Variants in STK10 observed in about 807,000 individuals in gnomAD.
STK10 encodes serine/threonine-protein kinase 10.
In STK10, 78 loss-of-function variants were observed where a neutral mutation model predicts 113.8. That is an observed-to-expected ratio of 0.69 (90% CI 0.57 to 0.83). The LOEUF (loss-of-function observed/expected upper bound fraction) is 0.83, where lower values mean the gene tolerates loss of function less well. Among genes scored for constraint, STK10 ranks in the 40% least tolerant of loss-of-function variants. STK10 has a pLI of 0.00. For synonymous variants in STK10, 465 were observed against 494.7 expected, an observed-to-expected ratio of 0.94 and a Z score of 0.80; for missense variants, 1,109 against 1,280.1, an observed-to-expected ratio of 0.87 and a Z score of 2.04.
chr5:172,091,795 G>A (rs1210273029), intron 9 of STK10, among the ~76,000 whole-genome samples: 1 of 152,196 alleles, frequency 6.6e-6, no homozygotes, highest in African/African-American at 2.4e-5. Flanking sequence ...GCCTCCCAAA[G>A]TGCTGGGATT....
At chr5:172,141,876 C>T (rs75470155) in intron 2 of STK10, among the ~76,000 whole-genome samples, 87 of 152,286 alleles carry the variant, frequency 5.7e-4, no homozygotes, top group African/African-American at 9.6e-4. Context: ...CAGTTTAGAT[C>T]GAGCAGCTGT....
chr5:172,071,187 C>T (rs1412674748), intron 12 of STK10, among the ~76,000 whole-genome samples: 3 of 114,022 alleles, frequency 2.6e-5, no homozygotes, highest in African/African-American at 3.4e-5. Context: ...CCAGCCTGGG[C>T]GACAGAGTGA....
intron 2 of STK10, among the ~76,000 whole-genome samples, chr5:172,141,238 T>C (rs1002760065): frequency 4.6e-5 from 7 of 152,148 alleles, no homozygotes; most frequent in East Asian, 1.9e-4. Context: ...CACGTTAAAA[T>C]GTGTTTAAAG....
chr5:172,057,601 G>T, intron 14 of STK10, 128 bp from the exon 15 acceptor site: 2 of 1,410,410 alleles, frequency 1.4e-6, no homozygotes, highest in Non-Finnish European at 1.9e-6. Context: ...CTCAGGAATT[G>T]CCACATGTTC....
At chr5:172,050,503 G>A (rs1328777703) in intron 18 of STK10, among the ~76,000 whole-genome samples, 1 of 152,082 alleles carries the variant, frequency 6.6e-6, no homozygotes, top group Non-Finnish European at 1.5e-5. Flanking sequence ...ATGAGCCTGG[G>A]CAACATAGCA....
intron 10 of STK10, among the ~76,000 whole-genome samples, chr5:172,085,165 AGC>A (rs1156562827): frequency 6.6e-6 from 1 of 151,988 alleles, no homozygotes; most frequent in Non-Finnish European, 1.5e-5. Context: ...AGATTGCTTG[AGC>A]CCAGGAGGTC....
intron 1 of STK10, among the ~76,000 whole-genome samples, chr5:172,179,514 C>T (rs780972674): frequency 3.9e-5 from 6 of 152,182 alleles, no homozygotes; most frequent in African/African-American, 7.2e-5. Flanking sequence ...CTGTTTGTTT[C>T]GATCCCTTCC....
chr5:172,163,275 G>A (rs2113824956), intron 1 of STK10, among the ~76,000 whole-genome samples: 1 of 152,314 alleles, frequency 6.6e-6, no homozygotes, highest in South Asian at 2.1e-4. Flanking sequence ...GAGGTGGGGT[G>A]ATGTGCCTCA....
At position 172,044,777 on chromosome 5, in the gene STK10, GCA is replaced by G. The variant is rs749442221; in HGVS notation, c.*103_*104del. The G allele has an allele frequency of 6.3e-7, 1 of 1,579,324 alleles. No individual in the cohort carries two copies. The highest frequency in any genetic ancestry group is 1.1e-5 in the South Asian group (1 of 89,970). On this transcript the variant is annotated 3_prime_UTR_variant, in exon 19 of 19. Coordinates refer to ENST00000176763, the MANE Select transcript of STK10 (RefSeq NM_005990.4). This position sits in a 1 kb window ranked among gnomAD's most constrained non-coding sequence, Gnocchi z 4.5. ...AGGGCGAGGGGCTGGATTTGAGCTG[GCA>G]CAGACGCAAGAGGGAAAAGGGGTCC...
chr5:172,137,436 C>T (rs1769885989), intron 2 of STK10, among the ~76,000 whole-genome samples: 2 of 151,906 alleles, frequency 1.3e-5, no homozygotes, highest in South Asian at 2.1e-4. Context: ...ACCACATTAA[C>T]ACGATGAAAG....
At position 172,045,401 on chromosome 5, in the gene STK10, GT is replaced by G. The variant is rs768113028; in HGVS notation, c.2767-380del. 1.2e-3 allele frequency: 493 copies of G among 414,270 alleles called. 1 individual carries two copies. The highest frequency in any genetic ancestry group is 7.0e-3 in the African/African-American group (339 of 48,714). The allele number at this position is 414,270 out of a possible 1,614,324, so 25.7% of individuals were successfully genotyped here. Reference sequence around the variant, plus strand: ...AGCAAAGGAAGCAGAGATGTCAGAAGTTTTTTTTTTCAAAATACACATGCCT... The same window carrying G: ...AGCAAAGGAAGCAGAGATGTCAGAAGTTTTTTTTTCAAAATACACATGCCT... On this transcript the variant is annotated intron_variant, in intron 18 of 18. Coordinates refer to ENST00000176763, the MANE Select transcript of STK10 (RefSeq NM_005990.4).
At chr5:172,125,673 C>T (rs1769604577) in intron 3 of STK10, among the ~76,000 whole-genome samples, 1 of 152,318 alleles carries the variant, frequency 6.6e-6, no homozygotes, top group East Asian at 1.9e-4. Flanking sequence ...GCGTGAGCCA[C>T]CACACCCAGC....
chr5:172,072,143 C>G (rs1768196772), intron 12 of STK10, among the ~76,000 whole-genome samples: 1 of 152,182 alleles, frequency 6.6e-6, no homozygotes, highest in South Asian at 2.1e-4. Context: ...AACAGACTAA[C>G]AGAAGAAAAA....
chr5:172,175,017 T>C (rs1166812422), intron 1 of STK10, among the ~76,000 whole-genome samples: 1 of 152,194 alleles, frequency 6.6e-6, no homozygotes, highest in African/African-American at 2.4e-5. Flanking sequence ...ATTGTTGTTT[T>C]CAGACAACCT....
intron 3 of STK10, among the ~76,000 whole-genome samples, chr5:172,122,951 G>A (rs1188237053): frequency 6.6e-6 from 1 of 152,160 alleles, no homozygotes; most frequent in African/African-American, 2.4e-5. Flanking sequence ...TAGCCAGCAA[G>A]GCATGGCCAA....
intron 1 of STK10, among the ~76,000 whole-genome samples, chr5:172,157,731 C>G (rs1770380988): frequency 6.6e-6 from 1 of 151,914 alleles, no homozygotes; most frequent in Non-Finnish European, 1.5e-5. Flanking sequence ...ACTGGAACTA[C>G]AGATGTGCAC....
intron 17 of STK10, among the ~76,000 whole-genome samples, chr5:172,053,621 G>C (rs1767680746): frequency 6.6e-6 from 1 of 152,238 alleles, no homozygotes; most frequent in African/African-American, 2.4e-5. Flanking sequence ...GCAGTGACAA[G>C]TCCCTGTTGA....
At chr5:172,053,088 G>C (rs1461121327) in intron 17 of STK10, 46 bp from the exon 18 acceptor site, 1 of 1,539,240 alleles carries the variant, frequency 6.5e-7, no homozygotes, top group East Asian at 2.2e-5. Flanking sequence ...AGAAGACGCA[G>C]GCCCTGAAGA....
rs185956110 is a variant in STK10, at chr5:172,157,833, C to T, written c.157-1045G>A. On this transcript the variant is annotated intron_variant, in intron 1 of 18. Transcript: ENST00000176763. The stretch of plus-strand genomic sequence containing the variant: ...CTCGAACTCCTGGCCTCAAGTGATC[C>T]GCCCATCTCGGCCTCCCAAAGTGTT... 2.0e-3 allele frequency among the ~76,000 whole-genome samples: 306 copies of T among 150,840 alleles called. 3 individuals carry two copies. Among genetic ancestry groups the T allele is most frequent in the Admixed American group, 2.8e-3 (43 of 15,260 alleles).
Sources: gnomAD v4.1 joint callset for allele counts (sites outside exome capture counted in the v4.1 genomes callset) on GRCh38, gnomAD v4.1.1 for gene constraint, Gnocchi (gnomAD v3.1) non-coding constraint, MANE v1.5 for transcripts, NCBI Gene and HGNC (gene_info 2026-07-23, HGNC 2026-07-21) for gene names.